Variants in CLYBL observed in about 807,000 individuals in gnomAD.
CLYBL encodes citramalyl-CoA lyase.
Under a neutral mutation model 38.9 loss-of-function variants are expected in CLYBL, and 31 were observed. That is an observed-to-expected ratio of 0.80 (90% CI 0.60 to 1.08). The LOEUF is 1.08. Ranked by LOEUF, CLYBL falls within the 50% of genes least tolerant of loss-of-function variation. The pLI, the probability that CLYBL is intolerant of heterozygous loss-of-function variation, is 0.00. For synonymous variants in CLYBL, 171 were observed against 158.6 expected (o/e 1.08, Z -0.59); for missense variants, 434 against 411.6 (o/e 1.05, Z -0.47).
chr13:99,747,557 A>G (rs1270845935), intron 1 of CLYBL, among the ~76,000 whole-genome samples: 1 of 152,132 alleles, frequency 6.6e-6, no homozygotes, highest in Non-Finnish European at 1.5e-5. Flanking sequence ...CACACGGGAG[A>G]CAAACGGGGC....
chr13:99,643,384 G>A (rs756366473), intron 1 of CLYBL, among the ~76,000 whole-genome samples: 6 of 152,132 alleles, frequency 3.9e-5, no homozygotes, highest in African/African-American at 7.2e-5. Flanking sequence ...TTGTCATCTA[G>A]GGTCTGTAAT....
At chr13:99,760,429 A>T (rs2049143790) in intron 1 of CLYBL, among the ~76,000 whole-genome samples, 1 of 152,140 alleles carries the variant, frequency 6.6e-6, no homozygotes, top group South Asian at 2.1e-4. Flanking sequence ...TCATGTTTTC[A>T]TATACCTTTG....
chr13:99,697,261 TTGCAAGG>T (rs2047994048), intron 1 of CLYBL, among the ~76,000 whole-genome samples: 1 of 152,220 alleles, frequency 6.6e-6, no homozygotes, highest in African/African-American at 2.4e-5. Context: ...TTACTGTTAT[TTGCAAGG>T]ATCCGCCCAT....
At chr13:99,670,839 A>G (rs1237244323) in intron 1 of CLYBL, among the ~76,000 whole-genome samples, 1 of 152,114 alleles carries the variant, frequency 6.6e-6, no homozygotes, top group Non-Finnish European at 1.5e-5. Flanking sequence ...TCTTTACTTT[A>G]TGCTTGCTCC....
intron 2 of CLYBL, among the ~76,000 whole-genome samples, chr13:99,821,028 G>T (rs1187845592): frequency 6.6e-6 from 1 of 152,120 alleles, no homozygotes; most frequent in Non-Finnish European, 1.5e-5. Context: ...TAAATAATTA[G>T]GTGATTTGTG....
At chr13:99,679,046 G>C (rs1157987415) in intron 1 of CLYBL, among the ~76,000 whole-genome samples, 1 of 152,082 alleles carries the variant, frequency 6.6e-6, no homozygotes, top group African/African-American at 2.4e-5. Flanking sequence ...TGTAATCCCA[G>C]CATTTTGGGA....
chr13:99,805,109 G>T (rs951649232), intron 2 of CLYBL, among the ~76,000 whole-genome samples: 1 of 152,116 alleles, frequency 6.6e-6, no homozygotes, highest in Admixed American at 6.5e-5. Flanking sequence ...CCTTTTTGAG[G>T]CTGGATAGTA....
At position 99,812,585 on chromosome 13, in the gene CLYBL, G is replaced by A. The variant is rs9582347; in HGVS notation, c.249+39575G>A. Among the ~76,000 whole-genome samples, 944 of 152,248 alleles carry A rather than the reference G, an allele frequency of 6.2e-3. 11 individuals are homozygous for A. The highest frequency in any genetic ancestry group is 0.022 in the African/African-American group (897 of 41,554). On this transcript the variant is annotated intron_variant, in intron 2 of 8. Coordinates refer to ENST00000339105, the MANE Select transcript of CLYBL (RefSeq NM_206808.5). ...CAAGATGATTTCTACACACACTTCC[G>A]GTTTTCAGATTTCTGTGTTCTATGA...
intron 2 of CLYBL, among the ~76,000 whole-genome samples, chr13:99,809,985 G>T (rs549644068): frequency 6.6e-6 from 1 of 152,328 alleles, no homozygotes; most frequent in South Asian, 2.1e-4. Context: ...CCCAAGTTTT[G>T]CTGGCAAGTG....
intron 1 of CLYBL, among the ~76,000 whole-genome samples, chr13:99,704,539 A>G (rs150813630): frequency 9.2e-5 from 14 of 152,308 alleles, no homozygotes; most frequent in African/African-American, 3.4e-4. Context: ...TCTAACAACA[A>G]TGCATTTCTT....
At chr13:99,658,344 C>T (rs1408047554) in intron 1 of CLYBL, among the ~76,000 whole-genome samples, 1 of 152,254 alleles carries the variant, frequency 6.6e-6, no homozygotes, top group East Asian at 1.9e-4. Flanking sequence ...CCTCCCACTG[C>T]TGGAGAGACC....
At position 99,787,622 on chromosome 13, in the gene CLYBL, G is replaced by C. The variant is rs142965161; in HGVS notation, c.249+14612G>C. ...CTGTAGCCTTGTAGTATAGTTTGAA[G>C]TCAGGTAGCGTGATACCTCCAGCTT... On this transcript the variant is annotated intron_variant, in intron 2 of 8. Transcript: ENST00000339105. Among the ~76,000 whole-genome samples, 206 of 152,298 alleles carry C rather than the reference G, an allele frequency of 1.4e-3. 1 individual carries two copies. Among genetic ancestry groups the C allele is most frequent in the African/African-American group, 4.8e-3 (198 of 41,564 alleles).
At chr13:99,808,476 A>G (rs2138974476) in intron 2 of CLYBL, among the ~76,000 whole-genome samples, 1 of 142,766 alleles carries the variant, frequency 7.0e-6, no homozygotes, top group African/African-American at 2.8e-5. Context: ...CGGAGATAAT[A>G]CTATAATTTA....
rs9557302 is a variant in CLYBL at position 99,785,627 on chromosome 13, C to T, written c.249+12617C>T. 4.1e-3 allele frequency among the ~76,000 whole-genome samples: 583 copies of T among 143,430 alleles called. 8 individuals carry two copies. Among genetic ancestry groups the T allele is most frequent in the East Asian group, 0.033 (158 of 4,776 alleles). The allele number at this position is 143,430 out of a possible 152,430, so 94.1% of individuals were successfully genotyped here. On this transcript the variant is annotated intron_variant, in intron 2 of 8. Transcript: ENST00000339105. ...ATTTTTTTTTTTTGAGATGGAGTCTCGCTCTGTCACCCAGGCTGGAGTGCA... is the reference window on the plus strand; with the variant it reads ...ATTTTTTTTTTTTGAGATGGAGTCTTGCTCTGTCACCCAGGCTGGAGTGCA...
At chr13:99,810,000 T>C (rs970044392) in intron 2 of CLYBL, among the ~76,000 whole-genome samples, 1 of 152,266 alleles carries the variant, frequency 6.6e-6, no homozygotes, top group Non-Finnish European at 1.5e-5. Flanking sequence ...CAAGTGGAAA[T>C]GTCCATTCTA....
At chr13:99,857,966 C>T (rs2051500242) in intron 2 of CLYBL, among the ~76,000 whole-genome samples, 2 of 152,148 alleles carry the variant, frequency 1.3e-5, no homozygotes, top group Non-Finnish European at 2.9e-5. Context: ...GAGGAGTTGG[C>T]TTTTGAAACT....
At chr13:99,753,060 A>C (rs1430640616) in intron 1 of CLYBL, among the ~76,000 whole-genome samples, 2 of 152,012 alleles carry the variant, frequency 1.3e-5, no homozygotes, top group African/African-American at 2.4e-5. Context: ...GCCTTGAGGG[A>C]TGAGAGGGTG....
rs71121010 is a variant in CLYBL, at chr13:99,784,449, C to CTCTTTTTTTTTTTTT, written c.249+11440_249+11441insCTTTTTTTTTTTTTT. ...TTCCTCTGCTTCTGGAAAATTCTCTCTTTTTTTTTTTTTTTTTTTTTTTGA... is the reference window on the plus strand; with the variant it reads ...TTCCTCTGCTTCTGGAAAATTCTCTCTCTTTTTTTTTTTTTTTTTTTTTTTTTTTTTTTTTTTTGA... On this transcript the variant is annotated intron_variant, in intron 2 of 8. Coordinates refer to ENST00000339105, the MANE Select transcript of CLYBL (RefSeq NM_206808.5). Among the ~76,000 whole-genome samples, 92 of 52,098 alleles carry CTCTTTTTTTTTTTTT rather than the reference C, an allele frequency of 1.8e-3. 4 individuals carry two copies. Among genetic ancestry groups the CTCTTTTTTTTTTTTT allele is most frequent in the Non-Finnish European group, 2.7e-3 (71 of 26,212 alleles). The allele number at this position is 52,098 out of a possible 152,430, so 34.2% of individuals were successfully genotyped here.
intron 2 of CLYBL, among the ~76,000 whole-genome samples, chr13:99,789,388 G>C (rs967680287): frequency 6.6e-6 from 1 of 152,146 alleles, no homozygotes; most frequent in African/African-American, 2.4e-5. Context: ...AGAGATTCTG[G>C]TATGTTGTAT....
Sources: gnomAD v4.1 joint callset for allele counts (sites outside exome capture counted in the v4.1 genomes callset) on GRCh38, gnomAD v4.1.1 for gene constraint, MANE v1.5 for transcripts, NCBI Gene and HGNC (gene_info 2026-07-23, HGNC 2026-07-21) for gene names.